Variants in HEATR5A observed in about 807,000 individuals in gnomAD.
The protein encoded by HEATR5A is HEAT repeat containing 5A.
In HEATR5A, 178 loss-of-function variants were observed where a neutral mutation model predicts 218.8. The ratio of observed to expected loss-of-function variants is 0.81; its 90% CI spans 0.72 to 0.92. The LOEUF is 0.92. Among genes scored for constraint, HEATR5A ranks in the 40% least tolerant of loss-of-function variants. The probability of loss-of-function intolerance (pLI) is 0.00; values close to 1 mark genes in which losing one functional copy is unlikely to be tolerated. For missense variants in HEATR5A, 2,420 were observed against 2,418.9 expected (o/e 1.00, Z -0.01); for synonymous variants, 864 against 871.6 (o/e 0.99, Z 0.15).
At chr14:31,313,685 T>C (rs1899828574) in intron 27 of HEATR5A, among the ~76,000 whole-genome samples, 1 of 152,054 alleles carries the variant, frequency 6.6e-6, no homozygotes, top group Non-Finnish European at 1.5e-5. Flanking sequence ...AACTCTAAAA[T>C]CCAAAAAGCT....
At chr14:31,387,049 T>A in intron 8 of HEATR5A, 71 bp downstream of exon 8, 1 of 1,441,166 alleles carries the variant, frequency 6.9e-7, no homozygotes, top group Non-Finnish European at 9.6e-7. Flanking sequence ...GTATTATATA[T>A]CAGTCTAGCT....
intron 9 of HEATR5A, among the ~76,000 whole-genome samples, chr14:31,385,250 C>T (rs1224868204): frequency 6.6e-6 from 1 of 152,118 alleles, no homozygotes; most frequent in Non-Finnish European, 1.5e-5. Context: ...CTCAGCCTCC[C>T]AAAGAGCTAG....
At chr14:31,305,249 T>C in intron 31 of HEATR5A, 72 bp from the exon 32 acceptor site, 2 of 1,473,534 alleles carry the variant, frequency 1.4e-6, no homozygotes, top group Admixed American at 2.1e-5. Context: ...AGTTAAATCC[T>C]GTTACAGGAA....
In HEATR5A at chr14:31,318,798, C is replaced by T. The variant is rs565481363; in HGVS notation, c.3970-506G>A. 2.6e-5 allele frequency among the ~76,000 whole-genome samples: 4 copies of T among 152,242 alleles called. No homozygotes were observed. The South Asian group carries it at 8.3e-4, about 32-fold the overall frequency. On this transcript the variant is annotated intron_variant, in intron 25 of 35. Transcript: ENST00000543095. The stretch of plus-strand genomic sequence containing the variant: ...CACTGTGCCCAGCCTCTCCCCAACT[C>T]TTAATCCATATTGTTGTTTTGGAGC...
intron 27 of HEATR5A, among the ~76,000 whole-genome samples, chr14:31,315,319 G>C (rs1899879842): frequency 6.6e-6 from 1 of 152,168 alleles, no homozygotes; most frequent in Admixed American, 6.5e-5. Context: ...AAATACTATA[G>C]CTTTCTCCTT....
rs200130338 is a variant in HEATR5A at position 31,387,174 on chromosome 14, G to C, written c.1135C>G (p.Leu379Val). 509 of 1,613,824 alleles carry C rather than the reference G, an allele frequency of 3.2e-4. 1 individual carries two copies. Among genetic ancestry groups the C allele is most frequent in the Non-Finnish European group, 3.9e-4 (465 of 1,179,866 alleles). Residue 379 changes from leucine (L) to valine (V), a missense_variant, in exon 8 of 36, where the codon CTT becomes GTT. Transcript: ENST00000543095. ...TGGCAAATATCCTTTACAGCAGCAA[G>C]CTGAGCCTTTTCTCCAAGAAGACCA... The part of the protein sequence containing the change: ...IGGLLGEKAQ[L>V]AAVKDICQAI...
Position 31,400,313 on chromosome 14 carries a change from A to C in HEATR5A, c.326T>G (p.Leu109Arg). ...ATGTTTCACTTACAGCTTAGTGGGAAGATAACTTGGAGAATCATCTTTGCT... is the reference window on the plus strand; with the variant it reads ...ATGTTTCACTTACAGCTTAGTGGGACGATAACTTGGAGAATCATCTTTGCT... Reference protein sequence around the residue: ...IRSKDDSPSYLPTKLAAVVCL... With the variant: ...IRSKDDSPSYRPTKLAAVVCL... The change falls in exon 3 of 36, where the codon CTT becomes CGT. Residue 109 changes from leucine (L) to arginine (R), a missense_variant. Transcript: ENST00000543095. 6.5e-7 allele frequency: 1 copy of C among 1,532,526 alleles called. No homozygotes were observed. The highest frequency in any genetic ancestry group is 1.2e-5 in the South Asian group (1 of 83,920). 94.9% of individuals were successfully genotyped at this position (1,532,526 alleles called of 1,614,324 possible).
At chr14:31,308,341 C>T (rs183918040) in intron 29 of HEATR5A, among the ~76,000 whole-genome samples, 35 of 151,988 alleles carry the variant, frequency 2.3e-4, no homozygotes, top group Admixed American at 5.9e-4. Context: ...AACCCCGTCT[C>T]GACTAAAAAT....
In HEATR5A at chr14:31,337,534, A is replaced by G. The variant is rs1355937997; in HGVS notation, c.3309T>C (p.Ala1103=). The change falls in exon 22 of 36, where the codon GCT becomes GCC. Residue 1103 remains alanine (A), a synonymous_variant. Transcript: ENST00000543095. ...CLRQLVQREA[A]EVSEHAVMLA... Reference sequence around the variant, plus strand: ...GCATAACAGCATGTTCTGAAACTTCAGCTGCTTCTCTTTGTACAAGCTGAC... The same window carrying G: ...GCATAACAGCATGTTCTGAAACTTCGGCTGCTTCTCTTTGTACAAGCTGAC... 9.6e-6 allele frequency: 15 copies of G among 1,570,072 alleles called. No individual in the cohort carries two copies. The Admixed American group carries it at 1.9e-4, about 20-fold the overall frequency.
At position 31,326,136 on chromosome 14, in the gene HEATR5A, T is replaced by C. The variant is rs8004243; in HGVS notation, c.3547+27A>G. Reference sequence around the variant, plus strand: ...AAAGTTTCAAATTTCAATTTTATTATTTTAACTGATAATGTCCAATACTTA... The same window carrying C: ...AAAGTTTCAAATTTCAATTTTATTACTTTAACTGATAATGTCCAATACTTA... On this transcript the variant is annotated intron_variant, in intron 23 of 35. Transcript: ENST00000543095. The C allele has an allele frequency of 4.4e-3, 6,947 of 1,575,892 alleles. 252 individuals are homozygous for C. In the African/African-American group the frequency reaches 0.082, roughly 18 times the overall value.
At chr14:31,376,901 G>C (rs866292258) in intron 11 of HEATR5A, among the ~76,000 whole-genome samples, 69 of 152,250 alleles carry the variant, frequency 4.5e-4, no homozygotes, top group Middle Eastern at 3.4e-3. Flanking sequence ...AAGACAGGAG[G>C]ATCACTTGAG....
intron 29 of HEATR5A, 26 bp from the exon 30 acceptor site, chr14:31,308,046 A>C (rs746482191): frequency 1.4e-5 from 22 of 1,574,366 alleles, no homozygotes; most frequent in East Asian, 2.3e-5. Context: ...AAAGAGGAGG[A>C]GGCTTCTTTC....
Position 31,368,582 on chromosome 14 carries a change from G to C in HEATR5A, c.1961+3228C>G, listed in dbSNP as rs1022687205. ...GGGTCTCACTCTGTCATCCAGGCTG[G>C]AGAGCAGTGGCGCAATCAAGACTAT... On this transcript the variant is annotated intron_variant, in intron 13 of 35. Coordinates refer to ENST00000543095, the MANE Select transcript of HEATR5A (RefSeq NM_015473.4). Among the ~76,000 whole-genome samples, 11 of 152,146 alleles carry C rather than the reference G, an allele frequency of 7.2e-5. No individual in the cohort carries two copies. In the East Asian group the frequency reaches 2.1e-3, roughly 29 times the overall value.
intron 13 of HEATR5A, among the ~76,000 whole-genome samples, chr14:31,369,628 A>C (rs1289832968): frequency 6.8e-5 from 10 of 148,068 alleles, no homozygotes; most frequent in Non-Finnish European, 1.2e-4. Flanking sequence ...AAAAAAAAAA[A>C]AAAAAAAACC....
Position 31,387,346 on chromosome 14 carries a change from T to A in HEATR5A, c.963A>T (p.Gly321=). 6.2e-7 allele frequency: 1 copy of A among 1,613,438 alleles called. No individual in the cohort carries two copies. Among genetic ancestry groups the A allele is most frequent in the African/African-American group, 1.3e-5 (1 of 75,028 alleles). Residue 321 remains glycine (G), a synonymous_variant, in exon 8 of 36, where the codon GGA becomes GGT. Coordinates refer to ENST00000543095, the MANE Select transcript of HEATR5A (RefSeq NM_015473.4). The part of the protein sequence containing the change: ...QAYVVFVSTL[G]GAWLEKNFAA... The stretch of plus-strand genomic sequence containing the variant: ...CAAAATTTTTCTCTAGCCAAGCTCC[T>A]CCTAGTGTTGAAACAAATACCACAT...
intron 28 of HEATR5A, 32 bp downstream of exon 28, chr14:31,312,936 C>T (rs570518423): frequency 6.7e-7 from 1 of 1,496,322 alleles, no homozygotes; most frequent in East Asian, 2.3e-5. Context: ...TACTGTCACT[C>T]TAGGAATTAT....
intron 14 of HEATR5A, among the ~76,000 whole-genome samples, chr14:31,360,389 T>G (rs1488397814): frequency 6.6e-6 from 1 of 152,208 alleles, no homozygotes; most frequent in Non-Finnish European, 1.5e-5. Context: ...GGGGCTCATT[T>G]TTGCTTTTGG....
intron 24 of HEATR5A, among the ~76,000 whole-genome samples, chr14:31,322,112 C>T (rs1342872131): frequency 6.6e-6 from 1 of 152,072 alleles, no homozygotes; most frequent in East Asian, 1.9e-4. Flanking sequence ...TTTCTATGAA[C>T]GACAATATCT....
In HEATR5A at chr14:31,306,238, G is replaced by A. The variant is rs777730820; in HGVS notation, c.4966+494C>T. Among the ~76,000 whole-genome samples, 53 of 152,158 alleles carry A rather than the reference G, an allele frequency of 3.5e-4. 1 individual carries two copies. The highest frequency in any genetic ancestry group is 1.0e-4 in the Non-Finnish European group (7 of 68,028). On this transcript the variant is annotated intron_variant, in intron 31 of 35. Coordinates refer to ENST00000543095, the MANE Select transcript of HEATR5A (RefSeq NM_015473.4). ...CATGCCTGTAATCCCAGCACTCTGG[G>A]AGGCTGAGGTGGGTGGATTGCCTGA...
Sources: allele counts gnomAD v4.1 joint callset (sites outside exome capture counted in the v4.1 genomes callset), GRCh38; gene constraint gnomAD v4.1.1; transcripts MANE v1.5; gene names NCBI Gene and HGNC (gene_info 2026-07-23, HGNC 2026-07-21).